The following WDFY3 variants were observed in gnomAD, a reference collection of about 807,000 sequenced individuals.
The protein encoded by WDFY3 is WD repeat and FYVE domain-containing protein 3.
WDFY3 carries 66 observed loss-of-function variants against 409.6 expected under a neutral mutation model. That is an observed-to-expected ratio of 0.16 (90% CI 0.13 to 0.20). WDFY3 has a LOEUF of 0.20. Ranked by LOEUF, WDFY3 falls within the 10% of genes least tolerant of loss-of-function variation. The pLI is 1.00. For synonymous variants in WDFY3, 1,521 were observed against 1,537.1 expected, an observed-to-expected ratio of 0.99 and a Z score of 0.25; for missense variants, 3,031 against 4,298.1, an observed-to-expected ratio of 0.71 and a Z score of 8.24.
At chr4:84,964,117 G>A (rs1200651354) in intron 1 of WDFY3, among the ~76,000 whole-genome samples, 3 of 152,130 alleles carry the variant, frequency 2.0e-5, no homozygotes, top group Non-Finnish European at 2.9e-5. Context: ...GCAAATATAT[G>A]CTATATTCTG....
At chr4:84,690,731 G>A (rs1311955509) in intron 60 of WDFY3, 67 bp from the exon 61 acceptor site, 1 of 1,497,946 alleles carries the variant, frequency 6.7e-7, no homozygotes, top group East Asian at 2.3e-5. Flanking sequence ...GAAACTCAAG[G>A]AGCAGAATTG....
intron 1 of WDFY3, among the ~76,000 whole-genome samples, chr4:84,959,975 T>G (rs917617791): frequency 6.6e-6 from 1 of 152,200 alleles, no homozygotes; most frequent in Admixed American, 6.5e-5. Flanking sequence ...AGTTCAAAGA[T>G]AATATGATCG....
Position 84,774,590 on chromosome 4 carries a change from C to A in WDFY3, c.4754+230G>T, listed in dbSNP as rs17009276. On this transcript the variant is annotated intron_variant, in intron 29 of 67. Transcript: ENST00000295888. Reference sequence around the variant, plus strand: ...AATTTCATTGGGCTAATTCCTACATCTTTTCTCACCAATATTCTACTATTC... The same window carrying A: ...AATTTCATTGGGCTAATTCCTACATATTTTCTCACCAATATTCTACTATTC... 6.1e-3 allele frequency among the ~76,000 whole-genome samples: 926 copies of A among 152,316 alleles called. 8 individuals are homozygous for A. Among genetic ancestry groups the A allele is most frequent in the African/African-American group, 0.021 (891 of 41,562 alleles).
rs148534204 is a variant in WDFY3 at position 84,929,087 on chromosome 4, C to T, written c.-132+3183G>A. On this transcript the variant is annotated intron_variant, in intron 2 of 67. Transcript: ENST00000295888. ...ACACTGGGCCTTTCATCTTGCTCAC[C>T]GTCTCTTGTTAGCTTGCACTAATGG... Among the ~76,000 whole-genome samples, 301 of 152,232 alleles carry T rather than the reference C, an allele frequency of 2.0e-3. 1 individual carries two copies. Among genetic ancestry groups the T allele is most frequent in the African/African-American group, 6.8e-3 (283 of 41,526 alleles).
Position 84,809,999 on chromosome 4 carries a change from G to C in WDFY3, c.2233C>G (p.Gln745Glu), listed in dbSNP as rs1487973213. The change falls in exon 14 of 68, where the codon CAA (glutamine) becomes GAA (glutamate). Residue 745 changes from glutamine to glutamate, a missense_variant. Gln to Glu is a conservative substitution (Grantham distance 29, BLOSUM62 2). This residue lies in a region of WDFY3 where 1,322 missense variants were observed against 1,697.9 expected (regional missense o/e 0.78). Coordinates refer to ENST00000295888, the MANE Select transcript of WDFY3 (RefSeq NM_014991.6). Reference protein sequence around the residue: ...NVFPSNTQPFQRLLEEDVISI... With the variant: ...NVFPSNTQPFERLLEEDVISI... ...ATTACATCTTCCTCTAAAAGTCTTT[G>C]AAATGGCTGTGTATTTGAGGGGAAG... 3 of 1,614,054 alleles carry C rather than the reference G, an allele frequency of 1.9e-6. No homozygotes were observed. Among genetic ancestry groups the C allele is most frequent in the Non-Finnish European group, 2.5e-6 (3 of 1,180,012 alleles).
chr4:84,772,564 A>T (rs1337449085), intron 30 of WDFY3, among the ~76,000 whole-genome samples: 2 of 152,232 alleles, frequency 1.3e-5, no homozygotes, highest in Non-Finnish European at 2.9e-5. Flanking sequence ...AGAGTTTGCT[A>T]TTTAAAGAAA....
intron 65 of WDFY3, 105 bp from the exon 66 acceptor site, chr4:84,678,384 A>G (rs979111398): frequency 9.4e-6 from 7 of 743,738 alleles, no homozygotes; most frequent in Admixed American, 8.6e-5. Context: ...ACCTCAACAT[A>G]CAGCTACAGC....
At chr4:84,865,035 T>C (rs1006587704) in intron 3 of WDFY3, among the ~76,000 whole-genome samples, 1 of 152,012 alleles carries the variant, frequency 6.6e-6, no homozygotes, top group African/African-American at 2.4e-5. Flanking sequence ...GATGACAGCA[T>C]GCACCACCAT....
At chr4:84,822,720 A>T (rs1281599622) in intron 10 of WDFY3, among the ~76,000 whole-genome samples, 1 of 152,128 alleles carries the variant, frequency 6.6e-6, no homozygotes, top group Non-Finnish European at 1.5e-5. Context: ...TGTAAAATAA[A>T]CAAACAAACA....
chr4:84,890,062 T>C (rs368662098), intron 3 of WDFY3, among the ~76,000 whole-genome samples: 4 of 152,234 alleles, frequency 2.6e-5, no homozygotes, highest in African/African-American at 9.6e-5. Context: ...TAGGTTCTTG[T>C]TGCAATTTAG....
intron 53 of WDFY3, 89 bp downstream of exon 53, chr4:84,708,820 G>T: frequency 7.0e-7 from 1 of 1,424,514 alleles, no homozygotes; most frequent in Non-Finnish European, 9.6e-7. Context: ...GGATTTTAGG[G>T]ATGAGCCACT....
rs560350109 is a variant in WDFY3 at position 84,897,374 on chromosome 4, T to C, written c.-131-364A>G. ...ATGAGTATGGAAAATGCACTTTTTTTATTTTATTATTTTATTTTATTTTTT... is the reference window on the plus strand; with the variant it reads ...ATGAGTATGGAAAATGCACTTTTTTCATTTTATTATTTTATTTTATTTTTT... On this transcript the variant is annotated intron_variant, in intron 2 of 67. Transcript: ENST00000295888. Among the ~76,000 whole-genome samples the C allele has an allele frequency of 2.6e-5, 4 of 152,264 alleles. No individual in the cohort carries two copies. In the South Asian group the frequency reaches 8.3e-4, roughly 32 times the overall value.
Position 84,716,963 on chromosome 4 carries a change from T to C in WDFY3, c.7808A>G (p.Lys2603Arg). 2 of 1,609,740 alleles carry C rather than the reference T, an allele frequency of 1.2e-6. No homozygotes were observed. Among genetic ancestry groups the C allele is most frequent in the Non-Finnish European group, 1.7e-6 (2 of 1,177,684 alleles). Residue 2603 changes from lysine (K) to arginine (R), a missense_variant, in exon 49 of 68, where the codon AAG (lysine) becomes AGG (arginine). Coordinates refer to ENST00000295888, the MANE Select transcript of WDFY3 (RefSeq NM_014991.6). ...ATATGCAAAAATGCTGCATGTTCTCTTGAGTTGACTAGGGCCTTGCCTGGC... is the reference window on the plus strand; with the variant it reads ...ATATGCAAAAATGCTGCATGTTCTCCTGAGTTGACTAGGGCCTTGCCTGGC... ...RGARQGPSQL[K>R]RTCSIFAYED...
chr4:84,829,705 G>T (rs1247346079), intron 8 of WDFY3, among the ~76,000 whole-genome samples: 1 of 151,818 alleles, frequency 6.6e-6, no homozygotes, highest in African/African-American at 2.4e-5. Flanking sequence ...TACTCGGGAG[G>T]CTGAGGTAGG....
At position 84,801,875 on chromosome 4, in the gene WDFY3, C is replaced by T. The variant is rs763483385; in HGVS notation, c.2608-11G>A. On this transcript the variant is annotated splice_polypyrimidine_tract_variant and intron_variant, in intron 16 of 67. Coordinates refer to ENST00000295888, the MANE Select transcript of WDFY3 (RefSeq NM_014991.6). Reference sequence around the variant, plus strand: ...AAGATCCAAAGCATGCTAAAATCAACAAAGAAATCCACACAGTCAGGTCAT... The same window carrying T: ...AAGATCCAAAGCATGCTAAAATCAATAAAGAAATCCACACAGTCAGGTCAT... The T allele has an allele frequency of 6.2e-7, 1 of 1,610,698 alleles. No individual in the cohort carries two copies. Among genetic ancestry groups the T allele is most frequent in the Non-Finnish European group, 8.5e-7 (1 of 1,177,252 alleles).
chr4:84,815,730 T>A (rs1370115107), intron 13 of WDFY3, among the ~76,000 whole-genome samples: 1 of 152,152 alleles, frequency 6.6e-6, no homozygotes, highest in Non-Finnish European at 1.5e-5. Flanking sequence ...GTGCTTCCTA[T>A]CAGGAGGTGT....
chr4:84,843,616 C>T (rs1158877455), intron 5 of WDFY3, among the ~76,000 whole-genome samples: 1 of 152,126 alleles, frequency 6.6e-6, no homozygotes, highest in Non-Finnish European at 1.5e-5. Flanking sequence ...CCAGGCTGGT[C>T]TCAAACTCCT....
At chr4:84,852,819 G>A (rs1047491896) in intron 4 of WDFY3, among the ~76,000 whole-genome samples, 7 of 151,616 alleles carry the variant, frequency 4.6e-5, no homozygotes, top group African/African-American at 9.7e-5. Flanking sequence ...GTGCAGTGGC[G>A]CAATCATGGT....
At chr4:84,846,568 C>A (rs1294030839) in intron 5 of WDFY3, among the ~76,000 whole-genome samples, 1 of 147,424 alleles carries the variant, frequency 6.8e-6, no homozygotes, top group East Asian at 2.0e-4. Context: ...GTAACAGAGG[C>A]AAGTATAAAT....
Sources: allele counts gnomAD v4.1 joint callset (sites outside exome capture counted in the v4.1 genomes callset), GRCh38; gene constraint gnomAD v4.1.1; regional missense constraint gnomAD v4.1.1; transcripts MANE v1.5; gene names NCBI Gene and HGNC (gene_info 2026-07-23, HGNC 2026-07-21).